Variants in OTOGL observed in about 807,000 individuals in gnomAD.
The protein encoded by OTOGL is otogelin-like protein.
OTOGL carries 285 observed loss-of-function variants against 318.5 expected under a neutral mutation model. The observed-to-expected ratio is 0.89, with a 90% CI of 0.81 to 0.99. The LOEUF is 0.99. Among genes scored for constraint, OTOGL ranks in the 50% least tolerant of loss-of-function variants. The probability of loss-of-function intolerance (pLI) is 0.00; values close to 1 mark genes in which losing one functional copy is unlikely to be tolerated. For synonymous variants in OTOGL, 987 were observed against 936.5 expected, an observed-to-expected ratio of 1.05 and a Z score of -0.99; for missense variants, 2,899 against 2,845.6, an observed-to-expected ratio of 1.02 and a Z score of -0.43.
chr12:80,225,867 A>G (rs1592571572), intron 7 of OTOGL, among the ~76,000 whole-genome samples: 1 of 151,950 alleles, frequency 6.6e-6, no homozygotes, highest in African/African-American at 2.4e-5. Flanking sequence ...CCTTATCTAT[A>G]CCCCCGACTA....
At chr12:80,230,164 A>T (rs1191888689) in intron 8 of OTOGL, among the ~76,000 whole-genome samples, 1 of 152,146 alleles carries the variant, frequency 6.6e-6, no homozygotes, top group African/African-American at 2.4e-5. Flanking sequence ...CAAGTGTTTG[A>T]ACCATAGGAA....
At chr12:80,252,828 C>T (rs765938090) in intron 13 of OTOGL, among the ~76,000 whole-genome samples, 15 of 152,138 alleles carry the variant, frequency 9.9e-5, no homozygotes, top group African/African-American at 2.4e-4. Flanking sequence ...CAAAGTATGG[C>T]GGACCAGTGC....
intron 6 of OTOGL, among the ~76,000 whole-genome samples, chr12:80,221,619 C>T (rs564503383): frequency 5.4e-4 from 82 of 152,110 alleles, no homozygotes; most frequent in African/African-American, 2.0e-3. Flanking sequence ...AGGTCCCAGA[C>T]ACGTAAATAT....
intron 1 of OTOGL, among the ~76,000 whole-genome samples, chr12:80,201,753 T>C (rs1362780778): frequency 6.6e-6 from 1 of 152,124 alleles, no homozygotes; most frequent in African/African-American, 2.4e-5. Flanking sequence ...CTGCTATCAT[T>C]ACACTGGCCA....
chr12:80,254,391 A>C (rs1040080921), intron 14 of OTOGL, 133 bp from the exon 15 acceptor site: 1 of 465,748 alleles, frequency 2.1e-6, no homozygotes, highest in East Asian at 3.5e-5. Flanking sequence ...TATTTTTTGC[A>C]GAGATTTTTT....
intron 1 of OTOGL, among the ~76,000 whole-genome samples, chr12:80,131,488 T>C (rs999490224): frequency 6.6e-6 from 1 of 152,234 alleles, no homozygotes; most frequent in African/African-American, 2.4e-5. Context: ...ATAATTTTTA[T>C]GAAAGATGAT....
intron 57 of OTOGL, among the ~76,000 whole-genome samples, chr12:80,375,927 T>TA (rs1301906733): frequency 6.6e-6 from 1 of 151,854 alleles, no homozygotes; most frequent in Non-Finnish European, 1.5e-5. Context: ...AGAACCAGCA[T>TA]AGGAGACTGA....
chr12:80,353,773 G>T (rs1289633836), intron 46 of OTOGL, among the ~76,000 whole-genome samples: 2 of 152,102 alleles, frequency 1.3e-5, no homozygotes, highest in African/African-American at 4.8e-5. Context: ...TAAGAGTGTG[G>T]ATTATGGACT....
At chr12:80,358,388 T>A (rs778331033) in intron 50 of OTOGL, 39 bp downstream of exon 50, 1 of 1,469,708 alleles carries the variant, frequency 6.8e-7, no homozygotes, top group Non-Finnish European at 9.3e-7. Flanking sequence ...TTTAGATGTG[T>A]CCAATGTTTA....
In OTOGL at chr12:80,253,567, A is replaced by G. The variant is rs1224506528; in HGVS notation, c.1387A>G (p.Thr463Ala). The G allele has an allele frequency of 6.2e-7, 1 of 1,604,432 alleles. No individual in the cohort carries two copies. The highest frequency in any genetic ancestry group is 1.1e-5 in the South Asian group (1 of 90,850). ...TGGTTCAAAAATTGAACAAGAATGT[A>G]CTGAATGGTATGTGATCAGTGTGCA... is the stretch of plus-strand genomic sequence containing the variant. ...SVGSKIEQEC[T>A]ECVCVGGVWN... Residue 463 changes from threonine (T) to alanine (A), a missense_variant, in exon 14 of 59, where the codon ACT (threonine) becomes GCT (alanine). Thr to Ala is a moderately conservative substitution (Grantham distance 58). Coordinates refer to ENST00000547103, the MANE Select transcript of OTOGL (RefSeq NM_001378609.3).
intron 1 of OTOGL, among the ~76,000 whole-genome samples, chr12:80,155,127 T>A (rs1288393417): frequency 1.3e-5 from 2 of 152,222 alleles, no homozygotes; most frequent in Non-Finnish European, 2.9e-5. Context: ...ATAATTGAGT[T>A]GTTTGTTTTC....
intron 46 of OTOGL, among the ~76,000 whole-genome samples, chr12:80,355,362 C>G (rs957835514): frequency 4.0e-5 from 6 of 151,172 alleles, no homozygotes; most frequent in African/African-American, 1.5e-4. Context: ...GTAGCTGGGA[C>G]TACAGGCATG....
intron 43 of OTOGL, among the ~76,000 whole-genome samples, chr12:80,340,315 G>C (rs1419543057): frequency 6.6e-6 from 1 of 151,962 alleles, no homozygotes; most frequent in African/African-American, 2.4e-5. Flanking sequence ...GGTTTTCATG[G>C]TTCCTCACTT....
chr12:80,307,816 C>T (rs571483386), intron 29 of OTOGL, among the ~76,000 whole-genome samples: 3 of 133,064 alleles, frequency 2.3e-5, no homozygotes, highest in Non-Finnish European at 4.7e-5. Context: ...TAGGGGCGGC[C>T]GGGCAGAGGC....
chr12:80,116,826 C>T (rs1003987002), intron 1 of OTOGL, among the ~76,000 whole-genome samples: 1 of 152,206 alleles, frequency 6.6e-6, no homozygotes, highest in Non-Finnish European at 1.5e-5. Context: ...TACCACATCT[C>T]TGGATGGCCC....
chr12:80,380,144 A>G lies in OTOGL; in HGVS notation c.*2096A>G, dbSNP rs1346082205. The G allele has an allele frequency of 6.6e-6, 1 of 152,062 alleles. No homozygotes were observed. The highest frequency in any genetic ancestry group is 1.5e-5 in the Non-Finnish European group (1 of 67,922). The allele number at this position is 152,062 out of a possible 1,614,324, so 9.4% of individuals were successfully genotyped here. On this transcript the variant is annotated 3_prime_UTR_variant, in exon 59 of 59. Coordinates refer to ENST00000547103, the MANE Select transcript of OTOGL (RefSeq NM_001378609.3). ...TTAGGATAACCTCCAAATGAATCAG[A>G]GATTTAAATGTTAAAAAACAAAAGA...
intron 1 of OTOGL, among the ~76,000 whole-genome samples, chr12:80,113,621 T>C (rs1869980133): frequency 6.6e-6 from 1 of 152,086 alleles, no homozygotes; most frequent in Non-Finnish European, 1.5e-5. Context: ...GAGAGACTGT[T>C]ATGATTTCAT....
Position 80,320,554 on chromosome 12 carries a change from A to T in OTOGL, c.3935A>T (p.His1312Leu), listed in dbSNP as rs768575822. 2 of 1,613,478 alleles carry T rather than the reference A, an allele frequency of 1.2e-6. No homozygotes were observed. The highest frequency in any genetic ancestry group is 1.7e-6 in the Non-Finnish European group (2 of 1,179,726). The change falls in exon 34 of 59, where the codon CAT (histidine) becomes CTT (leucine). Residue 1312 changes from histidine (H) to leucine (L), a missense_variant. His to Leu is a moderately conservative substitution (Grantham distance 99). This residue lies in a region of OTOGL where 2,607 missense variants were observed against 2,524.9 expected (regional missense o/e 1.03). Transcript: ENST00000547103. ...CATCGGAGAGCAACATTTTTCCACC[A>T]TCAGGGCCTCTGGATTCCTGGTTAC... ...AFHRRATFFHHQGLWIPGYSA... is the reference protein window; with the variant it reads ...AFHRRATFFHLQGLWIPGYSA...
intron 24 of OTOGL, among the ~76,000 whole-genome samples, chr12:80,273,910 A>G (rs1261969164): frequency 6.6e-6 from 1 of 152,042 alleles, no homozygotes; most frequent in Non-Finnish European, 1.5e-5. Context: ...TTTGATTATT[A>G]TGTAATTATT....
Sources: gnomAD v4.1 joint callset for allele counts (sites outside exome capture counted in the v4.1 genomes callset) on GRCh38, gnomAD v4.1.1 for gene constraint, gnomAD v4.1.1 regional missense constraint, MANE v1.5 for transcripts, NCBI Gene and HGNC (gene_info 2026-07-23, HGNC 2026-07-21) for gene names.